SRBD1: variants seen among roughly 807,000 people sequenced by gnomAD.
SRBD1 encodes S1 RNA binding domain 1.
A neutral mutation model predicts 115.3 loss-of-function variants in SRBD1; 88 were observed. That is an observed-to-expected ratio of 0.76 (90% CI 0.64 to 0.91). The LOEUF (loss-of-function observed/expected upper bound fraction) is 0.91. Among genes scored for constraint, SRBD1 ranks in the 40% least tolerant of loss-of-function variants. The pLI is 0.00. For synonymous variants in SRBD1, 509 were observed against 407.7 expected, an observed-to-expected ratio of 1.25 and a Z score of -2.99; for missense variants, 1,385 against 1,177.4, an observed-to-expected ratio of 1.18 and a Z score of -2.58.
intron 19 of SRBD1, among the ~76,000 whole-genome samples, chr2:45,401,888 C>T (rs1215691123): frequency 6.6e-6 from 1 of 152,102 alleles, no homozygotes; most frequent in African/African-American, 2.4e-5. Context: ...ATTACAGTCA[C>T]TTATTAGTTA....
At chr2:45,500,111 T>C (rs999765883) in intron 14 of SRBD1, among the ~76,000 whole-genome samples, 1 of 152,164 alleles carries the variant, frequency 6.6e-6, no homozygotes, top group Admixed American at 6.5e-5. Context: ...ACAATATTAA[T>C]CCTCCCAATC....
intron 14 of SRBD1, among the ~76,000 whole-genome samples, chr2:45,545,613 C>T (rs764378013): frequency 2.6e-5 from 4 of 152,104 alleles, no homozygotes; most frequent in African/African-American, 4.8e-5. Context: ...ACTGGGTGCA[C>T]GTTTGCAGTT....
intron 14 of SRBD1, among the ~76,000 whole-genome samples, chr2:45,508,823 T>C (rs932899785): frequency 4.6e-5 from 7 of 152,114 alleles, no homozygotes; most frequent in Admixed American, 4.6e-4. Flanking sequence ...TTTACTAAAA[T>C]AAATGTAAAA....
At chr2:45,606,087 A>G (rs990154730) in intron 1 of SRBD1, among the ~76,000 whole-genome samples, 4 of 151,612 alleles carry the variant, frequency 2.6e-5, no homozygotes, top group Non-Finnish European at 5.9e-5. Context: ...TATGGTAATA[A>G]TATCAGGCAG....
intron 14 of SRBD1, among the ~76,000 whole-genome samples, chr2:45,521,006 G>A (rs1021377645): frequency 1.3e-5 from 2 of 152,164 alleles, no homozygotes; most frequent in African/African-American, 2.4e-5. Context: ...ATCCATGGAC[G>A]TCAAGGCTAA....
intron 14 of SRBD1, among the ~76,000 whole-genome samples, chr2:45,508,164 T>A (rs977703189): frequency 1.3e-5 from 2 of 152,034 alleles, no homozygotes; most frequent in African/African-American, 4.8e-5. Context: ...TTTTTAAATA[T>A]AAAAAATAAC....
At chr2:45,454,003 A>C (rs192153026) in intron 16 of SRBD1, among the ~76,000 whole-genome samples, 24 of 152,080 alleles carry the variant, frequency 1.6e-4, no homozygotes, top group Admixed American at 1.2e-3. Flanking sequence ...TTATATACAC[A>C]GTCTTTCGAA....
At chr2:45,481,522 G>A (rs1669963379) in intron 15 of SRBD1, among the ~76,000 whole-genome samples, 1 of 152,078 alleles carries the variant, frequency 6.6e-6, no homozygotes, top group Non-Finnish European at 1.5e-5. Context: ...AAGAGGCAGA[G>A]AATAAATGAC....
chr2:45,480,632 A>G (rs1205750946), intron 15 of SRBD1, among the ~76,000 whole-genome samples: 1 of 152,206 alleles, frequency 6.6e-6, no homozygotes, highest in Non-Finnish European at 1.5e-5. Flanking sequence ...TTGAGATGGA[A>G]TCTACTCCTG....
rs377728735 is a variant in SRBD1 at position 45,477,013 on chromosome 2, T to C, written c.2029A>G (p.Ile677Val). Reference protein sequence around the residue: ...AELVKIEPKHIGVGMYQHDVS... With the variant: ...AELVKIEPKHVGVGMYQHDVS... ...TTTACCTGATACATTCCAACTCCAA[T>C]GTGCTTTGGCTCAATTTTCACTAGC... The change falls in exon 16 of 21, where the codon ATT becomes GTT. Residue 677 changes from isoleucine (I) to valine (V), a missense_variant. By Grantham distance (29) the Ile-to-Val change is conservative. Transcript: ENST00000263736. 6.2e-7 allele frequency: 1 copy of C among 1,613,778 alleles called. No individual in the cohort carries two copies. The highest frequency in any genetic ancestry group is 1.7e-5 in the Admixed American group (1 of 59,982).
At position 45,599,642 on chromosome 2, in the gene SRBD1, G is replaced by A. The variant is rs754497325; in HGVS notation, c.455C>T (p.Ser152Leu). ...CACAGTGCTTGTGGATGGTGTCTCTGAACTATTACTCTCACCCTCTAAGTT... is the reference window on the plus strand; with the variant it reads ...CACAGTGCTTGTGGATGGTGTCTCTAAACTATTACTCTCACCCTCTAAGTT... The part of the protein sequence containing the change: ...ASNLEGESNS[S>L]ETPSTSTVWG... The change falls in exon 4 of 21, where the codon TCA becomes TTA. Residue 152 changes from serine to leucine, a missense_variant. By Grantham distance (145) the Ser-to-Leu change is moderately radical. Coordinates refer to ENST00000263736, the MANE Select transcript of SRBD1 (RefSeq NM_018079.5). 3.7e-6 allele frequency: 6 copies of A among 1,614,156 alleles called. No homozygotes were observed. In the East Asian group the frequency reaches 1.1e-4, roughly 30 times the overall value.
chr2:45,567,882 G>A (rs1014192209), intron 9 of SRBD1: 6 of 152,118 alleles, frequency 3.9e-5, no homozygotes, highest in Non-Finnish European at 2.9e-5. Flanking sequence ...ATACATTATT[G>A]GAGGTTTTTT....
In SRBD1 at chr2:45,581,720, A is replaced by C; in HGVS notation, c.906T>G (p.Cys302Trp). 1 of 1,613,398 alleles carries C rather than the reference A, an allele frequency of 6.2e-7. No homozygotes were observed. The highest frequency in any genetic ancestry group is 8.5e-7 in the Non-Finnish European group (1 of 1,179,720). The change falls in exon 6 of 21, where the codon TGT becomes TGG. Residue 302 changes from cysteine to tryptophan, a missense_variant. Physicochemically the swap from Cys to Trp is radical, Grantham distance 215 (BLOSUM62 -2). Coordinates refer to ENST00000263736, the MANE Select transcript of SRBD1 (RefSeq NM_018079.5). ...SECLLKAMLNCKTFEELEHVS... is the reference protein window; with the variant it reads ...SECLLKAMLNWKTFEELEHVS... ...CGTGTTCTAGTTCTTCAAAAGTTTT[A>C]CAATTCAGCATGGCTTTTAACAAGC... is the stretch of plus-strand genomic sequence containing the variant.
At chr2:45,582,639 T>C (rs1301147629) in intron 5 of SRBD1, among the ~76,000 whole-genome samples, 1 of 152,188 alleles carries the variant, frequency 6.6e-6, no homozygotes, top group Non-Finnish European at 1.5e-5. Flanking sequence ...ATCTTAATGT[T>C]CAAATTTTTC....
chr2:45,547,706 A>G, intron 12 of SRBD1, 94 bp from the exon 13 acceptor site: 1 of 1,013,898 alleles, frequency 9.9e-7, no homozygotes, highest in Non-Finnish European at 1.5e-6. Context: ...AGAAAAGGAG[A>G]CTGGCTTGTT....
At chr2:45,566,232 CAT>C (rs1039452545) in intron 9 of SRBD1, among the ~76,000 whole-genome samples, 5 of 152,148 alleles carry the variant, frequency 3.3e-5, no homozygotes, top group African/African-American at 1.2e-4. Flanking sequence ...GAAATAAAAA[CAT>C]ATGTCCACAC....
chr2:45,540,570 T>A (rs1671902424), intron 14 of SRBD1, among the ~76,000 whole-genome samples: 1 of 152,046 alleles, frequency 6.6e-6, no homozygotes, highest in African/African-American at 2.4e-5. Context: ...AAGATCCTGT[T>A]TAAAAAAAAG....
chr2:45,498,115 G>C (rs1009858301), intron 14 of SRBD1, among the ~76,000 whole-genome samples: 2 of 152,156 alleles, frequency 1.3e-5, no homozygotes, highest in African/African-American at 2.4e-5. Context: ...TGGCTATGAA[G>C]TGTTATCTAC....
rs984357599 is a variant in SRBD1, at chr2:45,400,815, A to G, written c.2514-7686T>C. 4.3e-5 allele frequency among the ~76,000 whole-genome samples: 6 copies of G among 139,298 alleles called. No individual in the cohort carries two copies. The South Asian group carries it at 1.6e-3, about 36-fold the overall frequency. 91.4% of individuals were successfully genotyped at this position (139,298 alleles called of 152,430 possible). A position where few individuals can be genotyped will look rare whatever the true frequency, so the allele number is the denominator to read the frequency against. ...ATTTAACAGACAAGAAAACTGAGGT[A>G]TAGAGAGGTTAAATAACATTCCCAG... is the stretch of plus-strand genomic sequence containing the variant. On this transcript the variant is annotated intron_variant, in intron 19 of 20. Transcript: ENST00000263736.
Sources: gnomAD v4.1 joint callset for allele counts (sites outside exome capture counted in the v4.1 genomes callset) on GRCh38, gnomAD v4.1.1 for gene constraint, MANE v1.5 for transcripts, NCBI Gene and HGNC (gene_info 2026-07-23, HGNC 2026-07-21) for gene names.